Variants in CNTLN observed in about 807,000 individuals in gnomAD.
CNTLN encodes the protein centlein, centrosomal protein.
A neutral mutation model predicts 180.0 loss-of-function variants in CNTLN; 212 were observed. That is an observed-to-expected ratio of 1.18 (90% CI 1.05 to 1.32). The LOEUF is 1.32. Ranked by LOEUF, CNTLN falls within the 40% of genes most tolerant of loss-of-function variation. The pLI is 0.00. For missense variants in CNTLN, 2,095 were observed against 1,610.9 expected (o/e 1.30, Z -5.14); for synonymous variants, 722 against 563.1 (o/e 1.28, Z -3.99).
At chr9:17,164,145 C>G (rs13284383) in intron 2 of CNTLN, among the ~76,000 whole-genome samples, 3 of 151,814 alleles carry the variant, frequency 2.0e-5, no homozygotes, top group Non-Finnish European at 4.4e-5. Flanking sequence ...AAACCCATCT[C>G]TACTAAAAAT....
chr9:17,268,362 C>A (rs1313193924), intron 5 of CNTLN, among the ~76,000 whole-genome samples: 1 of 152,102 alleles, frequency 6.6e-6, no homozygotes, highest in Non-Finnish European at 1.5e-5. Context: ...ATATTGGTGA[C>A]CCGCAAATGC....
At chr9:17,235,546 A>G (rs1825089622) in intron 3 of CNTLN, 112 bp from the exon 4 acceptor site, 7 of 840,874 alleles carry the variant, frequency 8.3e-6, no homozygotes, top group African/African-American at 1.8e-5. Flanking sequence ...AGACATTATT[A>G]TGAAAGCTAT....
intron 2 of CNTLN, among the ~76,000 whole-genome samples, chr9:17,214,354 A>G (rs200973535): frequency 2.0e-5 from 3 of 152,110 alleles, no homozygotes; most frequent in Admixed American, 1.3e-4. Flanking sequence ...GTTGAAAATT[A>G]TTTTCTTTAA....
intron 2 of CNTLN, among the ~76,000 whole-genome samples, chr9:17,173,507 A>G (rs1361711631): frequency 6.6e-6 from 1 of 152,174 alleles, no homozygotes; most frequent in African/African-American, 2.4e-5. Flanking sequence ...GCGTGGACAG[A>G]TGCTTATCAC....
intron 2 of CNTLN, among the ~76,000 whole-genome samples, chr9:17,221,762 TTC>T (rs1824153047): frequency 6.6e-6 from 1 of 152,062 alleles, no homozygotes; most frequent in Non-Finnish European, 1.5e-5. Flanking sequence ...ATGTTTTGTT[TTC>T]TCTTTTCTCA....
rs534660731 is a variant in CNTLN, at chr9:17,387,001, C to CT, written c.1988-1159dup. Among the ~76,000 whole-genome samples, 47 of 152,268 alleles carry CT rather than the reference C, an allele frequency of 3.1e-4. No homozygotes were observed. The East Asian group carries it at 6.7e-3, about 22-fold the overall frequency. ...ATAGATTATTATCAAGGTAAAGGTACTTATTCCCCAGGTGGCAAATTCTAC... is the reference window on the plus strand; with the variant it reads ...ATAGATTATTATCAAGGTAAAGGTACTTTATTCCCCAGGTGGCAAATTCTAC... On this transcript the variant is annotated intron_variant, in intron 13 of 25. Coordinates refer to ENST00000380647, the MANE Select transcript of CNTLN (RefSeq NM_017738.4).
At chr9:17,465,127 T>G (rs12349724) in intron 21 of CNTLN, among the ~76,000 whole-genome samples, 1,545 of 150,234 alleles carry the variant, frequency 0.01, 21 homozygotes, top group African/African-American at 0.034. Flanking sequence ...TTTTTTTGTT[T>G]TTTTTTTTTT....
chr9:17,157,323 A>G (rs1484401413), intron 2 of CNTLN, among the ~76,000 whole-genome samples: 2 of 152,204 alleles, frequency 1.3e-5, no homozygotes, highest in East Asian at 3.8e-4. Flanking sequence ...GAGAGGTTTC[A>G]GGATTATCCT....
the CNTLN span, among the ~76,000 whole-genome samples, chr9:17,511,858 G>T: frequency 2.6e-5 from 4 of 152,158 alleles, no homozygotes; most frequent in African/African-American, 9.7e-5. Flanking sequence ...GGTGAGCATA[G>T]AGTGGACTTA....
chr9:17,273,647 T>G, intron 5 of CNTLN, 86 bp from the exon 6 acceptor site: 1 of 687,960 alleles, frequency 1.5e-6, no homozygotes, highest in Non-Finnish European at 2.2e-6. Flanking sequence ...TCTCTGTCAT[T>G]TTGTAGAATA....
chr9:17,327,329 C>G (rs972142041), intron 8 of CNTLN, among the ~76,000 whole-genome samples: 1 of 147,102 alleles, frequency 6.8e-6, no homozygotes, highest in East Asian at 2.2e-4. Context: ...CCTCCTGCCT[C>G]AGCCTCCCGA....
downstream of CNTLN, among the ~76,000 whole-genome samples, chr9:17,504,997 G>A (rs967519323): frequency 1.3e-5 from 2 of 152,252 alleles, no homozygotes; most frequent in Non-Finnish European, 2.9e-5. Flanking sequence ...TTACATCTAT[G>A]TTCATGAGGG....
chr9:17,270,857 T>C (rs1332981360), intron 5 of CNTLN, among the ~76,000 whole-genome samples: 1 of 151,816 alleles, frequency 6.6e-6, no homozygotes, highest in Non-Finnish European at 1.5e-5. Context: ...GTCGCATGGC[T>C]CAAAACTGAA....
chr9:17,235,804 T>C lies in CNTLN; in HGVS notation c.669+12T>C, dbSNP rs767796555. On this transcript the variant is annotated intron_variant, in intron 4 of 25. Transcript: ENST00000380647. ...GTCAAGAAATTAAGGTGTGTTGACT[T>C]GTACATAGTTTTGTGGGACTGTTGC... 2.0e-5 allele frequency: 31 copies of C among 1,587,868 alleles called. No individual in the cohort carries two copies. Among genetic ancestry groups the C allele is most frequent in the Non-Finnish European group, 2.6e-5 (31 of 1,172,200 alleles).
intron 7 of CNTLN, among the ~76,000 whole-genome samples, chr9:17,307,025 A>G (rs1818764089): frequency 6.6e-6 from 1 of 152,084 alleles, no homozygotes; most frequent in African/African-American, 2.4e-5. Context: ...TGAACTCTTC[A>G]TTGTCCCTTT....
At position 17,484,319 on chromosome 9, in the gene CNTLN, G is replaced by A. The variant is rs1464195006; in HGVS notation, c.3880G>A (p.Asp1294Asn). ...GGCTTTGGCCAAAGAGTTGCAAAAT[G>A]ATGTCCATGTGGTAAGGCGACAAAT... is the stretch of plus-strand genomic sequence containing the variant. ...VKALAKELQN[D>N]VHVVRRQIRE... The change falls in exon 24 of 26, where the codon GAT (aspartate) becomes AAT (asparagine). Residue 1294 changes from aspartate (D) to asparagine (N), a missense_variant. Coordinates refer to ENST00000380647, the MANE Select transcript of CNTLN (RefSeq NM_017738.4). 1 of 1,600,768 alleles carries A rather than the reference G, an allele frequency of 6.2e-7. No homozygotes were observed. The highest frequency in any genetic ancestry group is 8.5e-7 in the Non-Finnish European group (1 of 1,176,600).
chr9:17,298,125 C>T (rs1331792541), intron 6 of CNTLN, 65 bp from the exon 7 acceptor site: 7 of 1,311,076 alleles, frequency 5.3e-6, no homozygotes, highest in Non-Finnish European at 6.0e-6. Context: ...CTTAGATGAA[C>T]ACAATTATTT....
intron 15 of CNTLN, among the ~76,000 whole-genome samples, chr9:17,396,292 C>T: frequency 6.6e-6 from 1 of 152,148 alleles, no homozygotes. Flanking sequence ...GTGGACTCGC[C>T]CTGAATTCCT....
Position 17,466,080 on chromosome 9 carries a change from C to T in CNTLN, c.3631C>T (p.Gln1211Ter). Residue 1211 changes from glutamine to a stop codon, truncating the protein, a stop_gained, in exon 22 of 26, where the codon CAG (glutamine) becomes TAG (stop). Coordinates refer to ENST00000380647, the MANE Select transcript of CNTLN (RefSeq NM_017738.4). LOFTEE classifies it high-confidence loss of function. ...TGTAAAAGAAAAGTCACAGTATGAACAGATGTATCAGAAATCTAAAGAGGA... is the reference window on the plus strand; with the variant it reads ...TGTAAAAGAAAAGTCACAGTATGAATAGATGTATCAGAAATCTAAAGAGGA... Reference protein sequence around the residue: ...VAVKEKSQYEQMYQKSKEELE... With the variant: ...VAVKEKSQYE 2.5e-6 allele frequency: 4 copies of T among 1,603,576 alleles called. No homozygotes were observed. Among genetic ancestry groups the T allele is most frequent in the Non-Finnish European group, 3.4e-6 (4 of 1,173,830 alleles).
Sources: allele counts gnomAD v4.1 joint callset (sites outside exome capture counted in the v4.1 genomes callset), GRCh38; gene constraint gnomAD v4.1.1; transcripts MANE v1.5; gene names NCBI Gene and HGNC (gene_info 2026-07-23, HGNC 2026-07-21).